SH3PXD2B: variants seen among roughly 807,000 people sequenced by gnomAD.
SH3PXD2B encodes SH3 and PX domain-containing protein 2B.
SH3PXD2B carries 37 observed loss-of-function variants against 73.1 expected under a neutral mutation model. The ratio of observed to expected loss-of-function variants is 0.51; its 90% CI spans 0.39 to 0.67. The LOEUF (loss-of-function observed/expected upper bound fraction) is 0.67, where lower values mean the gene tolerates loss of function less well. Among genes scored for constraint, SH3PXD2B ranks in the 30% least tolerant of loss-of-function variants. SH3PXD2B has a pLI of 0.00. For missense variants in SH3PXD2B, 1,053 were observed against 1,197.8 expected, an observed-to-expected ratio of 0.88 and a Z score of 1.78; for synonymous variants, 457 against 480.5, an observed-to-expected ratio of 0.95 and a Z score of 0.64.
chr5:172,336,464 G>C lies in SH3PXD2B; in HGVS notation c.*1905C>G. On this transcript the variant is annotated 3_prime_UTR_variant, in exon 13 of 13. Transcript: ENST00000311601. ...AATGGGATTTGCAGGCCGACTGGAC[G>C]AAGGCACTAAAGATGCTACAGGTGA... 1.0e-6 allele frequency: 1 copy of C among 986,042 alleles called. No individual in the cohort carries two copies. The highest frequency in any genetic ancestry group is 4.7e-5 in the South Asian group (1 of 21,290). The allele number at this position is 986,042 out of a possible 1,614,324, so 61.1% of individuals were successfully genotyped here.
intron 3 of SH3PXD2B, among the ~76,000 whole-genome samples, chr5:172,402,610 A>C (rs1581311416): frequency 6.6e-6 from 1 of 152,100 alleles, no homozygotes; most frequent in Non-Finnish European, 1.5e-5. Context: ...TATTTCTCAG[A>C]CCAGCCGACA....
At chr5:172,348,695 C>T (rs1305994116) in intron 10 of SH3PXD2B, among the ~76,000 whole-genome samples, 1 of 39,832 alleles carries the variant, frequency 2.5e-5, no homozygotes, top group East Asian at 2.1e-3. Flanking sequence ...ATCTATCTAT[C>T]TATCTATCTA....
intron 5 of SH3PXD2B, among the ~76,000 whole-genome samples, chr5:172,378,734 G>T (rs1486372831): frequency 2.0e-5 from 3 of 152,162 alleles, no homozygotes; most frequent in African/African-American, 7.2e-5. Context: ...AGGAGACTGA[G>T]GCAAGGGGCA....
chr5:172,357,211 G>A (rs1438958353), intron 8 of SH3PXD2B, among the ~76,000 whole-genome samples: 1 of 151,566 alleles, frequency 6.6e-6, no homozygotes, highest in Non-Finnish European at 1.5e-5. Flanking sequence ...ATCACTTGAG[G>A]TCAGGAGTTC....
Position 172,417,720 on chromosome 5 carries a change from T to C in SH3PXD2B, c.156+4696A>G, listed in dbSNP as rs192968398. Among the ~76,000 whole-genome samples the C allele has an allele frequency of 8.5e-5, 13 of 152,244 alleles. No homozygotes were observed. The East Asian group carries it at 2.5e-3, about 29-fold the overall frequency. On this transcript the variant is annotated intron_variant, in intron 2 of 12. Transcript: ENST00000311601. ...TAGCAGCACCCATGCCCATCAATAA[T>C]CCTAATAGCTGACATTTGCTTGGTG...
chr5:172,412,042 C>T (rs1359155100), intron 2 of SH3PXD2B, among the ~76,000 whole-genome samples: 5 of 152,140 alleles, frequency 3.3e-5, no homozygotes, highest in African/African-American at 4.8e-5. Context: ...GTAGCTACCT[C>T]CAATAAGTGG....
At chr5:172,350,967 T>C (rs1757148922) in intron 9 of SH3PXD2B, among the ~76,000 whole-genome samples, 1 of 152,210 alleles carries the variant, frequency 6.6e-6, no homozygotes, top group Admixed American at 6.5e-5. Context: ...ACGTGGAGAT[T>C]AAACATGCTT....
chr5:172,365,334 G>T (rs1394858191), intron 6 of SH3PXD2B, among the ~76,000 whole-genome samples: 1 of 152,174 alleles, frequency 6.6e-6, no homozygotes, highest in Non-Finnish European at 1.5e-5. Flanking sequence ...GAACACAGAG[G>T]CTCAGAGATG....
rs554961739 is a variant in SH3PXD2B at position 172,437,503 on chromosome 5, A to G, written c.76-15007T>C. ...TGGGAAGTGGGTGACATGAGATCCA[A>G]TCCCAGCCCTGCCAGCCTCCAAAGC... On this transcript the variant is annotated intron_variant, in intron 1 of 12. Coordinates refer to ENST00000311601, the MANE Select transcript of SH3PXD2B (RefSeq NM_001017995.3). Among the ~76,000 whole-genome samples, 262 of 152,176 alleles carry G rather than the reference A, an allele frequency of 1.7e-3. 1 individual carries two copies. The highest frequency in any genetic ancestry group is 3.4e-3 in the Middle Eastern group (1 of 294).
At chr5:172,355,168 C>T (rs1258363962) in intron 8 of SH3PXD2B, among the ~76,000 whole-genome samples, 1 of 152,252 alleles carries the variant, frequency 6.6e-6, no homozygotes, top group Non-Finnish European at 1.5e-5. Flanking sequence ...CTGCTGCAGT[C>T]GCTATCTCTT....
chr5:172,427,943 A>AT (rs1160292086), intron 1 of SH3PXD2B, among the ~76,000 whole-genome samples: 1 of 151,730 alleles, frequency 6.6e-6, no homozygotes. Flanking sequence ...TGCTCGGCTA[A>AT]TTTTTTGTAT....
At chr5:172,342,896 A>C (rs774571755) in intron 12 of SH3PXD2B, among the ~76,000 whole-genome samples, 22 of 152,172 alleles carry the variant, frequency 1.4e-4, no homozygotes, top group Non-Finnish European at 3.2e-4. Context: ...CCAGGACGCA[A>C]ATGCTGGGCT....
chr5:172,388,688 G>T (rs1275000348), intron 4 of SH3PXD2B, among the ~76,000 whole-genome samples: 1 of 152,248 alleles, frequency 6.6e-6, no homozygotes, highest in African/African-American at 2.4e-5. Context: ...TCTGACTCTG[G>T]AGAGAAGTCA....
chr5:172,436,585 C>A (rs1014600095), intron 1 of SH3PXD2B, among the ~76,000 whole-genome samples: 2 of 152,212 alleles, frequency 1.3e-5, no homozygotes, highest in Non-Finnish European at 2.9e-5. Flanking sequence ...GAACCAGAAG[C>A]CAGGGCTACC....
At chr5:172,378,985 G>A (rs184625509) in intron 5 of SH3PXD2B, among the ~76,000 whole-genome samples, 1,939 of 150,648 alleles carry the variant, frequency 0.013, 37 homozygotes, top group African/African-American at 0.044. Flanking sequence ...CAGGAGAATG[G>A]TGTGAACCTG....
rs1328494066 is a variant in SH3PXD2B at position 172,337,043 on chromosome 5, C to T, written c.*1326G>A. On this transcript the variant is annotated 3_prime_UTR_variant, in exon 13 of 13. Transcript: ENST00000311601. ...CCCTCCAGGCTGGCCCTCGAGGCCA[C>T]CTCAGCTCCCGTTGCTCCATAAGCT... The T allele has an allele frequency of 2.0e-6, 2 of 985,438 alleles. No homozygotes were observed. The highest frequency in any genetic ancestry group is 2.4e-6 in the Non-Finnish European group (2 of 830,034). 61.0% of individuals were successfully genotyped at this position (985,438 alleles called of 1,614,324 possible).
intron 3 of SH3PXD2B, among the ~76,000 whole-genome samples, chr5:172,403,151 C>T (rs550072854): frequency 7.2e-5 from 11 of 152,350 alleles, no homozygotes; most frequent in Admixed American, 5.2e-4. Flanking sequence ...TGTTCAGAGG[C>T]GAGCACAGCC....
rs1294017614 is a variant in SH3PXD2B at position 172,335,674 on chromosome 5, A to T, written c.*2695T>A. On this transcript the variant is annotated 3_prime_UTR_variant, in exon 13 of 13. Transcript: ENST00000311601. ...AGCCATGACTCCAGGGGAGTTCTGC[A>T]TATGCGCCATCAATCGCTCACAGAA... 2 of 1,231,664 alleles carry T rather than the reference A, an allele frequency of 1.6e-6. No homozygotes were observed. The highest frequency in any genetic ancestry group is 1.6e-5 in the African/African-American group (1 of 64,434). 76.3% of individuals were successfully genotyped at this position (1,231,664 alleles called of 1,614,324 possible).
At chr5:172,398,199 C>G (rs1298375508) in intron 3 of SH3PXD2B, among the ~76,000 whole-genome samples, 1 of 152,230 alleles carries the variant, frequency 6.6e-6, no homozygotes, top group East Asian at 1.9e-4. Context: ...CTATGGGGGC[C>G]GTTGAAACCG....
Sources: gnomAD v4.1 joint callset for allele counts (sites outside exome capture counted in the v4.1 genomes callset) on GRCh38, gnomAD v4.1.1 for gene constraint, MANE v1.5 for transcripts, NCBI Gene and HGNC (gene_info 2026-07-23, HGNC 2026-07-21) for gene names.